Variants in TBCE observed in about 807,000 individuals in gnomAD.
TBCE encodes tubulin-specific chaperone E.
A neutral mutation model predicts 77.0 loss-of-function variants in TBCE; 53 were observed. That is an observed-to-expected ratio of 0.69 (90% CI 0.55 to 0.87). The LOEUF is 0.87. Ranked by LOEUF, TBCE falls within the 40% of genes least tolerant of loss-of-function variation. The probability of loss-of-function intolerance (pLI) is 0.00; values close to 1 mark genes in which losing one functional copy is unlikely to be tolerated. For missense variants in TBCE, 624 were observed against 622.4 expected, an observed-to-expected ratio of 1.00 and a Z score of -0.03; for synonymous variants, 235 against 241.3, an observed-to-expected ratio of 0.97 and a Z score of 0.24.
intron 5 of TBCE, among the ~76,000 whole-genome samples, chr1:235,426,884 A>T (rs576965106): frequency 1.3e-5 from 2 of 152,292 alleles, no homozygotes; most frequent in African/African-American, 4.8e-5. Context: ...ACCTCAAGTG[A>T]TTCCCCCGAC....
intron 8 of TBCE, among the ~76,000 whole-genome samples, chr1:235,435,257 T>C (rs764750572): frequency 1.2e-4 from 18 of 151,934 alleles, no homozygotes; most frequent in Admixed American, 3.9e-4. Context: ...CGTGCCACCA[T>C]GCCTGGCTAA....
intron 1 of TBCE, among the ~76,000 whole-genome samples, chr1:235,371,349 C>T (rs1676939701): frequency 1.3e-5 from 2 of 151,198 alleles, no homozygotes; most frequent in African/African-American, 4.8e-5. Flanking sequence ...AGCCACCGCC[C>T]CCGGCCACTC....
chr1:235,442,343 T>A (rs1681949798), intron 14 of TBCE, among the ~76,000 whole-genome samples: 1 of 152,170 alleles, frequency 6.6e-6, no homozygotes, highest in Non-Finnish European at 1.5e-5. Flanking sequence ...GTTAATTTTG[T>A]ATTTTTAGTA....
At chr1:235,395,109 G>A (rs1345732198) in intron 2 of TBCE, among the ~76,000 whole-genome samples, 1 of 152,224 alleles carries the variant, frequency 6.6e-6, no homozygotes, top group Non-Finnish European at 1.5e-5. Context: ...GGGGAATTAT[G>A]AGTAAAGTTG....
rs36062739 is a variant in TBCE, at chr1:235,420,481, A to ATTT, written c.460+938_460+940dup. ...AGGTGCCCGCCACCATGTCTGGCTA[A>ATTT]TTTTTTTTTTTTTTTTTTTTGAGAC... is the stretch of plus-strand genomic sequence containing the variant. On this transcript the variant is annotated intron_variant, in intron 5 of 16. Transcript: ENST00000642610. Among the ~76,000 whole-genome samples the ATTT allele has an allele frequency of 7.7e-4, 82 of 107,072 alleles. 5 individuals are homozygous for ATTT. The highest frequency in any genetic ancestry group is 2.3e-3 in the African/African-American group (60 of 26,558). 70.2% of individuals were successfully genotyped at this position (107,072 alleles called of 152,430 possible).
In TBCE at chr1:235,427,504, A is replaced by G. The variant is rs74151506; in HGVS notation, c.560+265A>G. Among the ~76,000 whole-genome samples, 3,450 of 152,306 alleles carry G rather than the reference A, an allele frequency of 0.023. 140 individuals carry two copies. The highest frequency in any genetic ancestry group is 0.078 in the African/African-American group (3,250 of 41,554). On this transcript the variant is annotated intron_variant, in intron 6 of 16. Transcript: ENST00000642610. ...AAAATCGAGCTGCAGACATAGATGC[A>G]GACAGTTGAGCCAATCAGGTTCAAG...
At chr1:235,398,948 ATTTCT>A (rs1269208068) in intron 2 of TBCE, among the ~76,000 whole-genome samples, 2 of 149,708 alleles carry the variant, frequency 1.3e-5, no homozygotes, top group Non-Finnish European at 3.0e-5. Context: ...CCCAGCCACT[ATTTCT>A]TTTCTTTTTT....
chr1:235,413,851 T>C (rs1679953839), intron 3 of TBCE: 1 of 131,860 alleles, frequency 7.6e-6, no homozygotes, highest in Non-Finnish European at 1.6e-5. Context: ...ACCTACGATT[T>C]TTTTTTTTTT....
chr1:235,378,395 AT>A (rs35416141), intron 1 of TBCE, among the ~76,000 whole-genome samples: 110,871 of 151,436 alleles, frequency 0.73, 41,726 homozygotes, highest in African/African-American at 0.92. Flanking sequence ...TAATTTTTGT[AT>A]TTTTTTTTGG....
At chr1:235,405,436 G>T (rs958505883) in intron 3 of TBCE, among the ~76,000 whole-genome samples, 3 of 151,420 alleles carry the variant, frequency 2.0e-5, no homozygotes, top group Admixed American at 1.3e-4. Flanking sequence ...AAGAGTTCGG[G>T]ACCACCCTGG....
At chr1:235,371,673 G>A (rs1676964321) in intron 1 of TBCE, among the ~76,000 whole-genome samples, 1 of 149,804 alleles carries the variant, frequency 6.7e-6, no homozygotes, top group South Asian at 2.1e-4. Flanking sequence ...ACAGCACCCG[G>A]CCCCACCTTT....
At chr1:235,443,195 T>TATACAC (rs145989548) in intron 15 of TBCE, among the ~76,000 whole-genome samples, 2 of 149,522 alleles carry the variant, frequency 1.3e-5, no homozygotes, top group African/African-American at 5.0e-5. Flanking sequence ...CATATATATA[T>TATACAC]ACACACACAC....
rs532255595 is a variant in TBCE, at chr1:235,387,523, C to T, written c.100+7374C>T. Among the ~76,000 whole-genome samples the T allele has an allele frequency of 3.3e-3, 497 of 152,316 alleles. 2 individuals carry two copies. The highest frequency in any genetic ancestry group is 5.8e-3 in the South Asian group (28 of 4,832). On this transcript the variant is annotated intron_variant, in intron 2 of 16. Transcript: ENST00000642610. ...CAATGGTGGGCACCCCTCCCCCAGC[C>T]GCGCTGCTGCCTTGCAGTTTGATCT...
At chr1:235,443,958 C>T (rs1187329230) in intron 15 of TBCE, among the ~76,000 whole-genome samples, 1 of 152,126 alleles carries the variant, frequency 6.6e-6, no homozygotes, top group Non-Finnish European at 1.5e-5. Flanking sequence ...TGTGAATTCT[C>T]AAGATTAAAC....
intron 8 of TBCE, among the ~76,000 whole-genome samples, chr1:235,435,353 G>A (rs1440077092): frequency 1.3e-5 from 2 of 152,080 alleles, no homozygotes; most frequent in East Asian, 1.9e-4. Context: ...CACCCGCCTC[G>A]GCCTCCCGAA....
chr1:235,441,656 T>C (rs1431394776), intron 13 of TBCE, 158 bp from the exon 14 acceptor site: 5 of 655,280 alleles, frequency 7.6e-6, no homozygotes, highest in Non-Finnish European at 1.3e-5. Context: ...TCGTTGTCCA[T>C]CACTCCTAAA....
In TBCE at chr1:235,441,892, T is replaced by C. The variant is rs746518207; in HGVS notation, c.1339+10T>C. ...AAAAACCAGCTACTAAGTAAGAATCTCAGATTCAAATAGTTTATTTGTATT... is the reference window on the plus strand; with the variant it reads ...AAAAACCAGCTACTAAGTAAGAATCCCAGATTCAAATAGTTTATTTGTATT... On this transcript the variant is annotated intron_variant, in intron 14 of 16. Coordinates refer to ENST00000642610, the MANE Select transcript of TBCE (RefSeq NM_003193.5). The C allele has an allele frequency of 2.5e-6, 4 of 1,612,844 alleles. No homozygotes were observed. The African/African-American group carries it at 5.3e-5, about 22-fold the overall frequency.
intron 8 of TBCE, among the ~76,000 whole-genome samples, chr1:235,435,107 G>GT (rs11421145): frequency 0.14 from 20,471 of 142,470 alleles, 1,823 homozygotes; most frequent in African/African-American, 0.29. Flanking sequence ...TTTTTGTTTT[G>GT]TTTTTTTTTT....
chr1:235,373,447 T>C (rs1558341841), intron 1 of TBCE, among the ~76,000 whole-genome samples: 1 of 146,486 alleles, frequency 6.8e-6, no homozygotes, highest in Non-Finnish European at 1.5e-5. Context: ...AACGTCTACA[T>C]TTTTTTTTTT....
Sources: allele counts gnomAD v4.1 joint callset (sites outside exome capture counted in the v4.1 genomes callset), GRCh38; gene constraint gnomAD v4.1.1; transcripts MANE v1.5; gene names NCBI Gene and HGNC (gene_info 2026-07-23, HGNC 2026-07-21).